The following ADPGK variants were observed in gnomAD, a reference collection of about 807,000 sequenced individuals.
The protein encoded by ADPGK is ADP-dependent glucokinase.
ADPGK carries 26 observed loss-of-function variants against 42.4 expected under a neutral mutation model. The ratio of observed to expected loss-of-function variants is 0.61; its 90% confidence interval spans 0.45 to 0.85. ADPGK has a LOEUF of 0.85. ADPGK is among the 40% of genes least tolerant of loss of function. The pLI, the probability that ADPGK is intolerant of heterozygous loss-of-function variation, is 0.00. For synonymous variants in ADPGK, 267 were observed against 252.6 expected (o/e 1.06, Z -0.54); for missense variants, 571 against 627.0 (o/e 0.91, Z 0.95).
At chr15:72,783,205 A>T (rs149978049) in intron 1 of ADPGK, 1 of 1,222,226 alleles carries the variant, frequency 8.2e-7, no homozygotes, top group East Asian at 3.2e-5. Context: ...AAGGTGTCAG[A>T]CAAAGCGGGA....
chr15:72,758,194 G>T (rs887215485), intron 4 of ADPGK: 1 of 1,454,976 alleles, frequency 6.9e-7, no homozygotes, highest in Non-Finnish European at 9.7e-7. Flanking sequence ...TCATGGCCCC[G>T]TTGGAGAGGC....
chr15:72,763,247 G>A (rs968754867), intron 3 of ADPGK, among the ~76,000 whole-genome samples: 6 of 151,296 alleles, frequency 4.0e-5, no homozygotes, highest in African/African-American at 9.7e-5. Flanking sequence ...CACCTCCTGC[G>A]TTTAAGTGAT....
intron 6 of ADPGK, among the ~76,000 whole-genome samples, chr15:72,753,430 A>G (rs892361740): frequency 2.6e-5 from 4 of 152,350 alleles, no homozygotes; most frequent in African/African-American, 9.6e-5. Context: ...GAATTTAGCA[A>G]TAACACTGTA....
intron 3 of ADPGK, among the ~76,000 whole-genome samples, chr15:72,762,382 A>G (rs2151077626): frequency 6.6e-6 from 1 of 152,218 alleles, no homozygotes; most frequent in East Asian, 1.9e-4. Flanking sequence ...GCTTATATAG[A>G]CTGCTTTGTA....
chr15:72,772,931 G>C (rs1224005433), intron 2 of ADPGK, among the ~76,000 whole-genome samples: 1 of 152,092 alleles, frequency 6.6e-6, no homozygotes, highest in Non-Finnish European at 1.5e-5. Context: ...TATTATAAAA[G>C]TTGAAAAGCC....
chr15:72,783,114 G>A (rs2066487688), intron 1 of ADPGK: 1 of 708,748 alleles, frequency 1.4e-6, no homozygotes, highest in Non-Finnish European at 1.8e-6. Flanking sequence ...TAGTGGGTAA[G>A]GTCAAGTATC....
chr15:72,778,765 A>G (rs1015209042), intron 1 of ADPGK, among the ~76,000 whole-genome samples: 14 of 152,202 alleles, frequency 9.2e-5, no homozygotes, highest in Non-Finnish European at 1.8e-4. Flanking sequence ...TATAAGAGCT[A>G]ATCGTAATTG....
chr15:72,783,308 C>G (rs1345255087), intron 1 of ADPGK, 151 bp downstream of exon 1: 2 of 1,268,976 alleles, frequency 1.6e-6, no homozygotes, highest in Non-Finnish European at 2.0e-6. Context: ...GAACCGGGTT[C>G]CACTCAGACG....
chr15:72,775,654 G>A (rs1409636219), intron 1 of ADPGK, among the ~76,000 whole-genome samples: 1 of 152,154 alleles, frequency 6.6e-6, no homozygotes, highest in Non-Finnish European at 1.5e-5. Flanking sequence ...AAATGAGGAT[G>A]GTAAGATACA....
Position 72,752,736 on chromosome 15 carries a change from C to T in ADPGK, c.1099G>A (p.Gly367Arg), listed in dbSNP as rs1567444319. 7 of 1,614,184 alleles carry T rather than the reference C, an allele frequency of 4.3e-6. No homozygotes were observed. Among genetic ancestry groups the T allele is most frequent in the Non-Finnish European group, 5.9e-6 (7 of 1,180,052 alleles). Residue 367 changes from glycine (G) to arginine (R), a missense_variant, in exon 7 of 7, where the codon GGG (glycine) becomes AGG (arginine). Physicochemically the swap from Gly to Arg is moderately radical, Grantham distance 125. Coordinates refer to ENST00000456471, the MANE Select transcript of ADPGK (RefSeq NM_001365225.1). ...DILFWILKEH[G>R]RSKSRASDLT... ...TCCGAGGCTCTGCTTTTACTCCTCC[C>T]ATGTTCTTTCAAGATCCAGAAGAGG...
intron 3 of ADPGK, among the ~76,000 whole-genome samples, chr15:72,769,000 G>A (rs2151084704): frequency 6.6e-6 from 1 of 150,704 alleles, no homozygotes; most frequent in Admixed American, 6.6e-5. Context: ...AATTGAAGAG[G>A]GGGAAACACT....
At chr15:72,755,341 T>C (rs2066097348) in intron 6 of ADPGK, among the ~76,000 whole-genome samples, 1 of 152,254 alleles carries the variant, frequency 6.6e-6, no homozygotes, top group South Asian at 2.1e-4. Context: ...AATCTGTCAG[T>C]TACACTGCCA....
rs1460902962 is a variant in ADPGK, at chr15:72,755,670, G to T, written c.841-16C>A. 3.2e-6 allele frequency: 5 copies of T among 1,552,082 alleles called. No homozygotes were observed. The African/African-American group carries it at 4.1e-5, about 13-fold the overall frequency. ...AGGTTACAACCTGCAAAGAGAAGAA[G>T]ATAAGCACTGCCATTAGAAATAGAA... On this transcript the variant is annotated splice_polypyrimidine_tract_variant and intron_variant, in intron 5 of 6. Coordinates refer to ENST00000456471, the MANE Select transcript of ADPGK (RefSeq NM_001365225.1).
At chr15:72,762,328 G>T (rs979068843) in intron 3 of ADPGK, among the ~76,000 whole-genome samples, 1 of 152,126 alleles carries the variant, frequency 6.6e-6, no homozygotes, top group African/African-American at 2.4e-5. Flanking sequence ...GATTTAGTAT[G>T]TCCCACCCAG....
chr15:72,775,667 A>T (rs1231313098), intron 1 of ADPGK, among the ~76,000 whole-genome samples: 1 of 152,222 alleles, frequency 6.6e-6, no homozygotes, highest in African/African-American at 2.4e-5. Flanking sequence ...AAGATACAAT[A>T]AATTCCTAAA....
chr15:72,756,227 G>T, intron 5 of ADPGK, 24 bp downstream of exon 5: 1 of 1,613,060 alleles, frequency 6.2e-7, no homozygotes, highest in Non-Finnish European at 8.5e-7. Flanking sequence ...TGAGATCTGT[G>T]AAATTCTGTA....
chr15:72,771,887 AC>A (rs547876032), intron 2 of ADPGK, 42 bp from the exon 3 acceptor site: 787 of 1,452,880 alleles, frequency 5.4e-4, no homozygotes, highest in Non-Finnish European at 7.1e-4. Flanking sequence ...TTTTAATACA[AC>A]TATATCACCC....
chr15:72,769,354 A>G (rs1186325950), intron 3 of ADPGK, among the ~76,000 whole-genome samples: 1 of 152,160 alleles, frequency 6.6e-6, no homozygotes, highest in East Asian at 1.9e-4. Flanking sequence ...CCACAAGTAT[A>G]TATTTTTTTG....
chr15:72,774,881 T>G lies in ADPGK; in HGVS notation c.450A>C (p.Pro150=). 6.2e-7 allele frequency: 1 copy of G among 1,612,328 alleles called. No individual in the cohort carries two copies. Among genetic ancestry groups the G allele is most frequent in the Non-Finnish European group, 8.5e-7 (1 of 1,178,394 alleles). ...HDIAQVASEF[P]GAQHYVGGNA... Reference sequence around the variant, plus strand: ...GCTGAACCAAACAGACCTGGGCTCCTGGGAACTCTGATGCAACCTGGGCAA... The same window carrying G: ...GCTGAACCAAACAGACCTGGGCTCCGGGGAACTCTGATGCAACCTGGGCAA... The change falls in exon 2 of 7, where the codon CCA becomes CCC. Residue 150 remains proline (P), a synonymous_variant. Transcript: ENST00000456471.
Sources: allele counts gnomAD v4.1 joint callset (sites outside exome capture counted in the v4.1 genomes callset), GRCh38; gene constraint gnomAD v4.1.1; transcripts MANE v1.5; gene names NCBI Gene and HGNC (gene_info 2026-07-23, HGNC 2026-07-21).